The following H2BC18 variants were observed in gnomAD, a reference collection of about 807,000 sequenced individuals.
H2BC18 encodes H2B clustered histone 18, also known as histone H2B type 2-F.
H2BC18 carries 8 observed loss-of-function variants against 6.3 expected under a neutral mutation model. That is an observed-to-expected ratio of 1.28 (90% CI 0.75 to 2.31). H2BC18 has a LOEUF of 2.31. Ranked by LOEUF, H2BC18 falls within the 30% of genes most tolerant of loss-of-function variation. H2BC18 has a pLI of 0.00. For missense variants in H2BC18, 106 were observed against 174.5 expected (o/e 0.61, Z 2.21); for synonymous variants, 104 against 78.1 (o/e 1.33, Z -1.75).
chr1:149,794,268 A>AG (rs1378523493), intron 1 of H2BC18, among the ~76,000 whole-genome samples: 37 of 151,058 alleles, frequency 2.4e-4, no homozygotes, highest in East Asian at 3.9e-4. Context: ...GAGAAAGAGA[A>AG]GGGGGGGGAA....
At chr1:149,794,153 C>G in intron 1 of H2BC18, 1 of 366,248 alleles carries the variant, frequency 2.7e-6, no homozygotes, top group East Asian at 7.3e-5. Context: ...CAGCGGCAGC[C>G]TGGACTAACA....
At chr1:149,809,891 C>G (rs2091955820), downstream of H2BC18, among the ~76,000 whole-genome samples, 5 of 150,370 alleles carry the variant, frequency 3.3e-5, 1 homozygote, top group Admixed American at 3.3e-4. Flanking sequence ...AACAAAAGCA[C>G]AGAAGACAAA....
chr1:149,808,699 G>A (rs1553754132), downstream of H2BC18, among the ~76,000 whole-genome samples: 2 of 152,072 alleles, frequency 1.3e-5, no homozygotes, highest in East Asian at 1.9e-4. Flanking sequence ...ACATTGTGGG[G>A]CCTAGAAGAT....
intron 1 of H2BC18, chr1:149,792,657 G>A: frequency 7.8e-7 from 1 of 1,276,632 alleles, no homozygotes; most frequent in Non-Finnish European, 1.0e-6. Flanking sequence ...GCCTGTATCT[G>A]GGGGCCGCAG....
At chr1:149,790,198 C>T (rs781994385) in intron 1 of H2BC18, 2 of 1,613,832 alleles carry the variant, frequency 1.2e-6, no homozygotes, top group South Asian at 1.1e-5. Context: ...GGCAGCAAGA[C>T]CCTGCGAGGC....
Position 149,811,901 on chromosome 1 carries a change from T to C in H2BC18, c.*42A>G. ...TACTGAAGTGGCTCTGAAAAGAGCC[T>C]TTGGGGTTAGGTGGTTGATCTATTG... On this transcript the variant is annotated 3_prime_UTR_variant, in exon 1 of 1. Transcript: ENST00000369167. 2.6e-6 allele frequency: 4 copies of C among 1,547,044 alleles called. No individual in the cohort carries two copies. Among genetic ancestry groups the C allele is most frequent in the Non-Finnish European group, 3.6e-6 (4 of 1,123,596 alleles).
downstream of H2BC18, chr1:149,810,906 A>T (rs1163300802): frequency 6.6e-6 from 1 of 152,230 alleles, no homozygotes; most frequent in Non-Finnish European, 1.5e-5. Context: ...CAGGAGAAGC[A>T]CCTGGAAGCA....
intron 1 of H2BC18, among the ~76,000 whole-genome samples, chr1:149,796,362 A>T (rs1207851783): frequency 6.6e-6 from 1 of 152,210 alleles, no homozygotes; most frequent in Non-Finnish European, 1.5e-5. Flanking sequence ...TCGAGAAGTA[A>T]ATTAAATTCC....
downstream of H2BC18, chr1:149,811,828 C>T (rs587670139): frequency 1.0e-6 from 1 of 963,080 alleles, no homozygotes; most frequent in Admixed American, 2.4e-5. Context: ...CCTACCTGAC[C>T]AAAAGCTATC....
At chr1:149,797,789 G>C (rs2091817087) in intron 1 of H2BC18, among the ~76,000 whole-genome samples, 1 of 136,522 alleles carries the variant, frequency 7.3e-6, no homozygotes, top group Non-Finnish European at 1.7e-5. Context: ...GGAGACACAG[G>C]GTCCTGCCAT....
At chr1:149,793,352 G>C in intron 1 of H2BC18, 1 of 1,141,512 alleles carries the variant, frequency 8.8e-7, no homozygotes, top group Non-Finnish European at 1.1e-6. Context: ...GAAGGGAGCT[G>C]GCTCGGCGGG....
In H2BC18 at chr1:149,792,882, G is replaced by A. The variant is rs782305168; in HGVS notation, c.378-9622C>T. The A allele has an allele frequency of 3.3e-5, 42 of 1,261,984 alleles. 1 individual carries two copies. The South Asian group carries it at 4.6e-4, about 14-fold the overall frequency. The allele number at this position is 1,261,984 out of a possible 1,614,324, so 78.2% of individuals were successfully genotyped here. On this transcript the variant is annotated intron_variant, in intron 1 of 1. Coordinates refer to the H2BC18 transcript ENST00000545683. ...TTCGTGTCCCATTCGCCCGAGTCAAGGGGCGGCCCCCCAAAATCCCAACGT... is the reference window on the plus strand; with the variant it reads ...TTCGTGTCCCATTCGCCCGAGTCAAAGGGCGGCCCCCCAAAATCCCAACGT...
At chr1:149,788,610 T>C (rs1454111046) in intron 1 of H2BC18, 1 of 1,614,020 alleles carries the variant, frequency 6.2e-7, no homozygotes, top group Non-Finnish European at 8.5e-7. Flanking sequence ...TATCTGTCAC[T>C]GTGAAAGGTA....
chr1:149,785,512 G>A (rs1212693230), intron 1 of H2BC18: 1 of 143,730 alleles, frequency 7.0e-6, no homozygotes, highest in African/African-American at 2.6e-5. Context: ...TGACAGAGCT[G>A]TTTCAACAAG....
intron 1 of H2BC18, chr1:149,791,714 G>T: frequency 1.5e-6 from 1 of 671,086 alleles, no homozygotes; most frequent in Non-Finnish European, 2.5e-6. Flanking sequence ...GACTTGAAAT[G>T]AGGCCTACTC....
intron 1 of H2BC18, chr1:149,791,276 TCTATCTGG>T: frequency 6.2e-7 from 1 of 1,604,726 alleles, no homozygotes; most frequent in South Asian, 1.1e-5. Flanking sequence ...CATGTCCTTT[TCTATCTGG>T]CAGTGGGAAT....
chr1:149,811,787 C>G (rs1229394756), downstream of H2BC18: 2 of 689,426 alleles, frequency 2.9e-6, no homozygotes, highest in Non-Finnish European at 5.0e-6. Flanking sequence ...TAGTCCTAAA[C>G]CCGAATGCAT....
chr1:149,803,135 C>G (rs1571415264), intron 1 of H2BC18, among the ~76,000 whole-genome samples: 1 of 152,104 alleles, frequency 6.6e-6, no homozygotes. Context: ...CACTGAATGA[C>G]CCTTGCCCAG....
intron 1 of H2BC18, among the ~76,000 whole-genome samples, chr1:149,804,517 C>G (rs1485204358): frequency 6.6e-6 from 1 of 152,196 alleles, no homozygotes; most frequent in Non-Finnish European, 1.5e-5. Flanking sequence ...ACTCTCAAGT[C>G]ACTAGAAATC....
Sources: gnomAD v4.1 joint callset for allele counts (sites outside exome capture counted in the v4.1 genomes callset) on GRCh38, gnomAD v4.1.1 for gene constraint, MANE v1.5 for transcripts, NCBI Gene and HGNC (gene_info 2026-07-23, HGNC 2026-07-21) for gene names.